Variants in IKZF2 observed in about 807,000 individuals in gnomAD.
IKZF2 encodes the protein zinc finger protein Helios.
A neutral mutation model predicts 49.2 loss-of-function variants in IKZF2; 15 were observed. The ratio of observed to expected loss-of-function variants is 0.30; its 90% confidence interval spans 0.20 to 0.47. The LOEUF is 0.47. Ranked by LOEUF, IKZF2 falls within the 20% of genes least tolerant of loss-of-function variation. The probability of loss-of-function intolerance (pLI) is 1.00; values close to 1 mark genes in which losing one functional copy is unlikely to be tolerated. For synonymous variants in IKZF2, 227 were observed against 221.4 expected (o/e 1.03, Z -0.23); for missense variants, 567 against 664.6 (o/e 0.85, Z 1.61).
intron 6 of IKZF2, among the ~76,000 whole-genome samples, chr2:213,034,497 G>A (rs1559186896): frequency 6.6e-6 from 1 of 152,116 alleles, no homozygotes; most frequent in Non-Finnish European, 1.5e-5. Flanking sequence ...CAGTTATTAA[G>A]TGGCCTAATT....
At chr2:213,008,857 G>A (rs1019366863) in intron 8 of IKZF2, among the ~76,000 whole-genome samples, 8 of 151,738 alleles carry the variant, frequency 5.3e-5, no homozygotes, top group South Asian at 2.1e-4. Flanking sequence ...TGGTTGATTC[G>A]GCCACTATTT....
intron 4 of IKZF2, among the ~76,000 whole-genome samples, chr2:213,071,003 C>T (rs1702641621): frequency 6.6e-6 from 1 of 152,030 alleles, no homozygotes; most frequent in African/African-American, 2.4e-5. Context: ...TCAACATTAG[C>T]CATTTAATTA....
chr2:213,147,264 T>G (rs2061107387), intron 4 of IKZF2: 1 of 244,566 alleles, frequency 4.1e-6, no homozygotes. Flanking sequence ...AGAAGAAACT[T>G]TCACATTTTT....
chr2:213,005,637 G>C lies in IKZF2; in HGVS notation c.*1723C>G, dbSNP rs1287499251. On this transcript the variant is annotated 3_prime_UTR_variant, in exon 9 of 9. Coordinates refer to ENST00000434687, the MANE Select transcript of IKZF2 (RefSeq NM_001387220.1). Reference sequence around the variant, plus strand: ...AGCAGTTATCAGTTACTGCCTAACAGAATTTCAGTATTCACAAATGGTTAT... The same window carrying C: ...AGCAGTTATCAGTTACTGCCTAACACAATTTCAGTATTCACAAATGGTTAT... The C allele has an allele frequency of 1.3e-5, 2 of 151,982 alleles. No homozygotes were observed. The highest frequency in any genetic ancestry group is 2.9e-5 in the Non-Finnish European group (2 of 67,968). 9.4% of individuals were successfully genotyped at this position (151,982 alleles called of 1,614,324 possible). A position where few individuals can be genotyped will look rare whatever the true frequency, so the allele number is the denominator to read the frequency against.
In IKZF2 at chr2:213,007,917, T is replaced by C. The variant is rs2125006526; in HGVS notation, c.1024A>G (p.Ser342Gly). The C allele has an allele frequency of 6.2e-7, 1 of 1,613,592 alleles. No individual in the cohort carries two copies. Among genetic ancestry groups the C allele is most frequent in the Non-Finnish European group, 8.5e-7 (1 of 1,179,740 alleles). The change falls in exon 9 of 9, where the codon AGC becomes GGC. Residue 342 changes from serine to glycine, a missense_variant. Around this residue, in one of 5 missense-constraint regions of IKZF2, gnomAD observed 310 missense variants for 326.9 expected, o/e 0.95. Transcript: ENST00000434687. ...ACTGGGGCCACTTCAGCGATTGTGC[T>C]TGGCGGGTGCTGCATCAGAGGGTGA... ...ALHPLMQHPP[S>G]TIAEVAPVIS...
Position 213,007,851 on chromosome 2 carries a change from T to C in IKZF2, c.1090A>G (p.Ile364Val), listed in dbSNP as rs1425101515. ...GTTTCCCTGCTAATGGGTCTTTCTATCCTATTTGGATGATAGACCTGAGAA... is the reference window on the plus strand; with the variant it reads ...GTTTCCCTGCTAATGGGTCTTTCTACCCTATTTGGATGATAGACCTGAGAA... Reference protein sequence around the residue: ...AYSQVYHPNRIERPISRETAD... With the variant: ...AYSQVYHPNRVERPISRETAD... Residue 364 changes from isoleucine to valine, a missense_variant, in exon 9 of 9, where the codon ATA (isoleucine) becomes GTA (valine). By Grantham distance (29) the Ile-to-Val change is conservative. This residue lies in a region of IKZF2 where 310 missense variants were observed against 326.9 expected (regional missense o/e 0.95). Coordinates refer to ENST00000434687, the MANE Select transcript of IKZF2 (RefSeq NM_001387220.1). 1.2e-6 allele frequency: 2 copies of C among 1,613,558 alleles called. No homozygotes were observed. The highest frequency in any genetic ancestry group is 1.7e-5 in the Admixed American group (1 of 59,894).
intron 4 of IKZF2, among the ~76,000 whole-genome samples, chr2:213,058,327 T>C (rs1311654569): frequency 1.3e-5 from 2 of 152,046 alleles, no homozygotes; most frequent in African/African-American, 2.4e-5. Context: ...CAGAACAGTT[T>C]AGGTATTAAG....
intron 4 of IKZF2, among the ~76,000 whole-genome samples, chr2:213,099,435 A>G (rs993180097): frequency 2.6e-5 from 4 of 152,080 alleles, no homozygotes; most frequent in Non-Finnish European, 5.9e-5. Flanking sequence ...GATGTCCTTA[A>G]ATTTTTGTGA....
chr2:213,061,349 T>C (rs1284329686), intron 4 of IKZF2, among the ~76,000 whole-genome samples: 1 of 151,394 alleles, frequency 6.6e-6, no homozygotes, highest in African/African-American at 2.4e-5. Flanking sequence ...GGTAAACAGG[T>C]ATAGATCATT....
chr2:213,088,308 C>T lies in IKZF2; in HGVS notation c.140-31209G>A, dbSNP rs1042765975. Among the ~76,000 whole-genome samples, 16 of 152,166 alleles carry T rather than the reference C, an allele frequency of 1.1e-4. No individual in the cohort carries two copies. In the East Asian group the frequency reaches 2.7e-3, roughly 26 times the overall value. ...TGTCAGCTACATAAATGTCTTCTTT[C>T]GAGAAGTGTCTGTTCATATCCTTTG... On this transcript the variant is annotated intron_variant, in intron 4 of 8. Transcript: ENST00000434687.
At chr2:213,150,097 G>A (rs1559337936) in intron 2 of IKZF2, 47 bp downstream of exon 2, 7 of 1,119,134 alleles carry the variant, frequency 6.3e-6, no homozygotes, top group African/African-American at 1.6e-5. Context: ...CTCAGAGAAG[G>A]AAAGAAGGAA....
intron 6 of IKZF2, among the ~76,000 whole-genome samples, chr2:213,028,618 T>C (rs1321420481): frequency 6.6e-6 from 1 of 152,182 alleles, no homozygotes; most frequent in East Asian, 1.9e-4. Flanking sequence ...TCATACATTT[T>C]GGGATGTTAT....
chr2:213,045,584 G>T (rs1161320845), intron 6 of IKZF2, among the ~76,000 whole-genome samples: 1 of 152,120 alleles, frequency 6.6e-6, no homozygotes, highest in Admixed American at 6.6e-5. Flanking sequence ...AGTGAACTTG[G>T]GAGCAGGATA....
intron 4 of IKZF2, among the ~76,000 whole-genome samples, chr2:213,069,850 T>G (rs1287415514): frequency 6.6e-6 from 1 of 152,130 alleles, no homozygotes; most frequent in Non-Finnish European, 1.5e-5. Flanking sequence ...AGTAAGCTGT[T>G]TTTTTCTTTT....
intron 7 of IKZF2, chr2:213,017,033 G>A (rs182522020): frequency 1.3e-5 from 2 of 151,872 alleles, no homozygotes; most frequent in African/African-American, 2.4e-5. Flanking sequence ...AATTTTCTCC[G>A]TGTTACCCGA....
chr2:213,088,157 T>C (rs1296983115), intron 4 of IKZF2, among the ~76,000 whole-genome samples: 1 of 152,212 alleles, frequency 6.6e-6, no homozygotes, highest in African/African-American at 2.4e-5. Flanking sequence ...CCACATCCTC[T>C]CCAGCACCTG....
chr2:213,091,882 A>G (rs1429338583), intron 4 of IKZF2, among the ~76,000 whole-genome samples: 1 of 151,164 alleles, frequency 6.6e-6, no homozygotes, highest in Non-Finnish European at 1.5e-5. Flanking sequence ...AGAGAGTATA[A>G]GCTGTGTGTG....
At chr2:213,077,878 G>A (rs148622161) in intron 4 of IKZF2, among the ~76,000 whole-genome samples, 3,321 of 151,970 alleles carry the variant, frequency 0.022, 126 homozygotes, top group African/African-American at 0.076. Context: ...GTGAGCCACC[G>A]CACCCGGCCT....
At chr2:213,074,713 G>A (rs541898047) in intron 4 of IKZF2, among the ~76,000 whole-genome samples, 1 of 152,228 alleles carries the variant, frequency 6.6e-6, no homozygotes, top group East Asian at 1.9e-4. Flanking sequence ...TCTAGATTCT[G>A]TTCTGTACTT....
Sources: gnomAD v4.1 joint callset for allele counts (sites outside exome capture counted in the v4.1 genomes callset) on GRCh38, gnomAD v4.1.1 for gene constraint, gnomAD v4.1.1 regional missense constraint, MANE v1.5 for transcripts, NCBI Gene and HGNC (gene_info 2026-07-23, HGNC 2026-07-21) for gene names.